GRIK4: variants seen among roughly 807,000 people sequenced by gnomAD.
The protein encoded by GRIK4 is glutamate ionotropic receptor kainate type subunit 4.
GRIK4 carries 40 observed loss-of-function variants against 104.9 expected under a neutral mutation model. That is an observed-to-expected ratio of 0.38 (90% CI 0.30 to 0.50). The LOEUF (loss-of-function observed/expected upper bound fraction) is 0.50, where lower values mean the gene tolerates loss of function less well. GRIK4 is among the 20% of genes least tolerant of loss of function. The pLI is 0.93. For synonymous variants in GRIK4, 485 were observed against 524.9 expected (o/e 0.92, Z 1.04); for missense variants, 1,047 against 1,308.1 (o/e 0.80, Z 3.08).
intron 8 of GRIK4, among the ~76,000 whole-genome samples, chr11:120,838,164 T>C (rs1334162763): frequency 6.6e-6 from 1 of 152,150 alleles, no homozygotes; most frequent in African/African-American, 2.4e-5. Context: ...GATGATATTA[T>C]CTAGTGGAAA....
chr11:120,532,345 T>C (rs780494510), intron 1 of GRIK4, among the ~76,000 whole-genome samples: 6 of 152,142 alleles, frequency 3.9e-5, no homozygotes, highest in South Asian at 2.1e-4. Context: ...GGGTCCGCCC[T>C]GGGTGTGGAC....
intron 1 of GRIK4, among the ~76,000 whole-genome samples, chr11:120,525,295 C>G (rs1453328942): frequency 6.6e-6 from 1 of 152,200 alleles, no homozygotes; most frequent in Non-Finnish European, 1.5e-5. Context: ...GATCATGTGA[C>G]TTGCAGAATC....
At position 120,986,208 on chromosome 11, in the gene GRIK4, G is replaced by A; in HGVS notation, c.2819G>A (p.Ser940Asn). ...GLRARPSPAR[S>N]EESLEWEKTT... ...CGGGCACGGCCGTCGCCCGCCCGCA[G>A]CGAGGAGAGCCTGGAGTGGGAGAAA... is the stretch of plus-strand genomic sequence containing the variant. Residue 940 changes from serine to asparagine, a missense_variant, in exon 21 of 21, where the codon AGC (serine) becomes AAC (asparagine). Around this residue, in one of 3 missense-constraint regions of GRIK4, gnomAD observed 160 missense variants for 140.9 expected, o/e 1.14. Coordinates refer to ENST00000527524, the MANE Select transcript of GRIK4 (RefSeq NM_014619.5). 1 of 1,572,032 alleles carries A rather than the reference G, an allele frequency of 6.4e-7. No homozygotes were observed. The highest frequency in any genetic ancestry group is 8.6e-7 in the Non-Finnish European group (1 of 1,168,788).
chr11:120,655,616 G>A (rs1949694733), intron 2 of GRIK4, among the ~76,000 whole-genome samples: 1 of 152,196 alleles, frequency 6.6e-6, no homozygotes, highest in Non-Finnish European at 1.5e-5. Flanking sequence ...CAATGAAGAT[G>A]GTATTGCAGA....
chr11:120,628,771 A>G (rs1056163342), intron 1 of GRIK4, among the ~76,000 whole-genome samples: 3 of 152,168 alleles, frequency 2.0e-5, no homozygotes, highest in African/African-American at 4.8e-5. Context: ...TTCTCCAGTG[A>G]GGGTGAGAAA....
chr11:120,605,474 A>G (rs902676355), intron 1 of GRIK4, among the ~76,000 whole-genome samples: 1 of 152,234 alleles, frequency 6.6e-6, no homozygotes, highest in Non-Finnish European at 1.5e-5. Context: ...CGAGGATGAC[A>G]TCAAGAAGCA....
chr11:120,798,854 C>A (rs1197129293), intron 3 of GRIK4, among the ~76,000 whole-genome samples: 1 of 152,224 alleles, frequency 6.6e-6, no homozygotes, highest in African/African-American at 2.4e-5. Context: ...TTTTGTCCTA[C>A]AGACCCTATT....
chr11:120,850,769 G>A (rs1030087817), intron 8 of GRIK4, among the ~76,000 whole-genome samples: 1 of 69,812 alleles, frequency 1.4e-5, no homozygotes, highest in African/African-American at 3.6e-5. Flanking sequence ...GAAGGAGACT[G>A]AAAATAAAAG....
chr11:120,965,336 C>T (rs1388748637), intron 18 of GRIK4, among the ~76,000 whole-genome samples: 1 of 152,130 alleles, frequency 6.6e-6, no homozygotes, highest in Admixed American at 6.5e-5. Context: ...TCTCTCTAAA[C>T]CTGAAATGTT....
chr11:120,922,584 G>T (rs528506883), intron 13 of GRIK4, among the ~76,000 whole-genome samples: 2 of 152,168 alleles, frequency 1.3e-5, no homozygotes, highest in Non-Finnish European at 2.9e-5. Context: ...GCCTGGCTTG[G>T]CCTCGCCAAC....
chr11:120,696,961 C>T (rs1950459602), intron 3 of GRIK4, among the ~76,000 whole-genome samples: 1 of 152,208 alleles, frequency 6.6e-6, no homozygotes, highest in African/African-American at 2.4e-5. Context: ...GTCTGGAACC[C>T]TGGCAGCCAG....
chr11:120,633,272 T>A (rs760764261), intron 1 of GRIK4, among the ~76,000 whole-genome samples: 4 of 152,198 alleles, frequency 2.6e-5, no homozygotes, highest in Admixed American at 1.3e-4. Flanking sequence ...CATGTCAGGC[T>A]TTCAGAGCCC....
At chr11:120,628,068 C>T (rs752578324) in intron 1 of GRIK4, among the ~76,000 whole-genome samples, 22 of 152,250 alleles carry the variant, frequency 1.4e-4, no homozygotes, top group Middle Eastern at 3.4e-3. Context: ...TGTCAGCCTC[C>T]GGGGAGAGGA....
At chr11:120,686,589 G>A (rs900706843) in intron 3 of GRIK4, among the ~76,000 whole-genome samples, 20 of 152,234 alleles carry the variant, frequency 1.3e-4, no homozygotes, top group African/African-American at 4.6e-4. Flanking sequence ...ACGTCTATAT[G>A]TGAAGGCTTG....
At chr11:120,945,392 A>G (rs1281911891) in intron 14 of GRIK4, among the ~76,000 whole-genome samples, 1 of 152,202 alleles carries the variant, frequency 6.6e-6, no homozygotes, top group Non-Finnish European at 1.5e-5. Flanking sequence ...GAGGTATATT[A>G]AGGGAAAGGT....
chr11:120,685,124 A>C (rs1950256198), intron 3 of GRIK4, among the ~76,000 whole-genome samples: 2 of 152,184 alleles, frequency 1.3e-5, no homozygotes, highest in Non-Finnish European at 2.9e-5. Flanking sequence ...AGGAGCTTGG[A>C]GCTTAGTCTT....
intron 19 of GRIK4, among the ~76,000 whole-genome samples, chr11:120,970,010 T>C (rs1024691159): frequency 6.6e-6 from 1 of 152,130 alleles, no homozygotes; most frequent in African/African-American, 2.4e-5. Context: ...ACCAGTATCA[T>C]TTGCTTCTGT....
chr11:120,956,891 C>T lies in GRIK4; in HGVS notation c.1812C>T (p.Phe604=), dbSNP rs1280595312. Residue 604 remains phenylalanine, a synonymous_variant, in exon 16 of 21, where the codon TTC becomes TTT. Coordinates refer to ENST00000527524, the MANE Select transcript of GRIK4 (RefSeq NM_014619.5). The surrounding 1 kb of genome is among the most constrained non-coding windows in gnomAD (Gnocchi z 4.6). The part of the protein sequence containing the change: ...GNSLWFPVGG[F]MQQGSTIAPR... Reference sequence around the variant, plus strand: ...GCCTCTGGTTTCCGGTCGGGGGGTTCATGCAGCAAGGCTCCACCATCGCCC... The same window carrying T: ...GCCTCTGGTTTCCGGTCGGGGGGTTTATGCAGCAAGGCTCCACCATCGCCC... The T allele has an allele frequency of 6.2e-7, 1 of 1,614,014 alleles. No homozygotes were observed. The highest frequency in any genetic ancestry group is 2.2e-5 in the East Asian group (1 of 44,876).
intron 1 of GRIK4, among the ~76,000 whole-genome samples, chr11:120,614,142 G>GC (rs770337890): frequency 3.9e-5 from 6 of 152,180 alleles, no homozygotes; most frequent in Non-Finnish European, 7.3e-5. Flanking sequence ...TGCCTGGCCT[G>GC]CCCCCCATGT....
Sources: allele counts gnomAD v4.1 joint callset (sites outside exome capture counted in the v4.1 genomes callset), GRCh38; gene constraint gnomAD v4.1.1; regional missense constraint gnomAD v4.1.1; non-coding constraint Gnocchi (gnomAD v3.1); transcripts MANE v1.5; gene names NCBI Gene and HGNC (gene_info 2026-07-23, HGNC 2026-07-21).